PRELID2: variants seen among roughly 807,000 people sequenced by gnomAD.
PRELID2 encodes PRELI domain-containing protein 2.
Under a neutral mutation model 28.4 loss-of-function variants are expected in PRELID2, and 25 were observed. The ratio of observed to expected loss-of-function variants is 0.88; its 90% CI spans 0.64 to 1.23. PRELID2 has a LOEUF of 1.23. Among genes scored for constraint, PRELID2 ranks in the 50% most tolerant of loss-of-function variants. The pLI is 0.00. For synonymous variants in PRELID2, 76 were observed against 71.6 expected (o/e 1.06, Z -0.31); for missense variants, 201 against 214.4 (o/e 0.94, Z 0.39).
the PRELID2 span, among the ~76,000 whole-genome samples, chr5:145,365,326 G>T: frequency 6.6e-6 from 1 of 151,936 alleles, no homozygotes; most frequent in Non-Finnish European, 1.5e-5. Context: ...TATTTAGCTT[G>T]ATTTCATCAT....
chr5:145,320,625 T>C, the PRELID2 span, among the ~76,000 whole-genome samples: 1 of 152,154 alleles, frequency 6.6e-6, no homozygotes, highest in Non-Finnish European at 1.5e-5. Context: ...CTCCACTTGA[T>C]TTTGTCTGTA....
At chr5:145,589,151 A>C (rs1580987122) in intron 1 of PRELID2, among the ~76,000 whole-genome samples, 1 of 152,168 alleles carries the variant, frequency 6.6e-6, no homozygotes, top group East Asian at 1.9e-4. Context: ...CCTAACCTTA[A>C]TTTTCAATGG....
chr5:145,273,023 T>G, the PRELID2 span, among the ~76,000 whole-genome samples: 1 of 152,022 alleles, frequency 6.6e-6, no homozygotes, highest in African/African-American at 2.4e-5. Context: ...AAACCAAAAT[T>G]AGCTCATCGG....
chr5:145,752,028 C>T (rs562712082), downstream of PRELID2, among the ~76,000 whole-genome samples: 40 of 152,106 alleles, frequency 2.6e-4, no homozygotes, highest in African/African-American at 9.2e-4. Flanking sequence ...CTTAACACAC[C>T]CCTCACAGAG....
chr5:145,572,336 G>C (rs1463623340), intron 1 of PRELID2, among the ~76,000 whole-genome samples: 12 of 152,280 alleles, frequency 7.9e-5, no homozygotes, highest in Admixed American at 5.9e-4. Flanking sequence ...AGGATCTCCT[G>C]GGGCTGTGTC....
intron 1 of PRELID2, among the ~76,000 whole-genome samples, chr5:145,611,216 T>A (rs1438837652): frequency 1.3e-5 from 2 of 151,874 alleles, no homozygotes; most frequent in East Asian, 3.9e-4. Context: ...CAGGCTGGAG[T>A]GCAGTGGCAC....
At chr5:145,503,759 T>C (rs1752380735) in intron 1 of PRELID2, among the ~76,000 whole-genome samples, 1 of 152,222 alleles carries the variant, frequency 6.6e-6, no homozygotes, top group South Asian at 2.1e-4. Context: ...GCTTTTAATA[T>C]GCTGGTTTGC....
chr5:145,833,097 T>C (rs1755711992), intron 1 of PRELID2, among the ~76,000 whole-genome samples: 1 of 152,206 alleles, frequency 6.6e-6, no homozygotes, highest in Non-Finnish European at 1.5e-5. Flanking sequence ...ACACAAAGCT[T>C]GGCACACAGA....
chr5:145,471,241 G>A (rs942535135), downstream of PRELID2, among the ~76,000 whole-genome samples: 2 of 152,026 alleles, frequency 1.3e-5, no homozygotes, highest in Non-Finnish European at 2.9e-5. Flanking sequence ...ATAGATAACT[G>A]CCCATTAGCT....
chr5:145,299,702 TC>T, the PRELID2 span, among the ~76,000 whole-genome samples: 2 of 151,374 alleles, frequency 1.3e-5, no homozygotes, highest in Non-Finnish European at 2.9e-5. Flanking sequence ...TTTATGGGAC[TC>T]CAATTTTGTG....
At chr5:145,797,078 G>T (rs950480742) in intron 4 of PRELID2, among the ~76,000 whole-genome samples, 1 of 152,094 alleles carries the variant, frequency 6.6e-6, no homozygotes, top group Non-Finnish European at 1.5e-5. Flanking sequence ...TGAGACAGAA[G>T]AGATATGTCA....
intron 1 of PRELID2, among the ~76,000 whole-genome samples, chr5:145,547,747 C>A (rs1452796205): frequency 1.3e-5 from 2 of 152,140 alleles, no homozygotes; most frequent in Admixed American, 1.3e-4. Flanking sequence ...AGTCTTTTCC[C>A]TTTGGTGTCT....
the PRELID2 span, among the ~76,000 whole-genome samples, chr5:145,408,215 T>C: frequency 6.6e-6 from 1 of 151,934 alleles, no homozygotes; most frequent in African/African-American, 2.4e-5. Flanking sequence ...ACCAGGAAAG[T>C]ATTTCTGGTA....
chr5:145,545,348 T>G lies in PRELID2; in HGVS notation n.71-72033A>C, dbSNP rs148898404. Among the ~76,000 whole-genome samples the G allele has an allele frequency of 2.0e-3, 310 of 152,102 alleles. 5 individuals carry two copies. The East Asian group carries it at 0.031, about 15-fold the overall frequency. On this transcript the variant is annotated intron_variant and non_coding_transcript_variant, in intron 1 of 2. Transcript: ENST00000510259. The stretch of plus-strand genomic sequence containing the variant: ...TAGAGACTCCTGGGATGTGAGGCAG[T>G]GGGAGATGAAGCCATGGGAGTTTCA...
At chr5:145,730,296 A>C (rs1756301681) in intron 1 of PRELID2, among the ~76,000 whole-genome samples, 1 of 152,170 alleles carries the variant, frequency 6.6e-6, no homozygotes, top group Admixed American at 6.6e-5. Flanking sequence ...TGGCCAAAGT[A>C]ATTCTCATAG....
downstream of PRELID2, among the ~76,000 whole-genome samples, chr5:145,753,700 A>C (rs1170427147): frequency 6.6e-6 from 1 of 152,184 alleles, no homozygotes; most frequent in African/African-American, 2.4e-5. Context: ...GCATCAGGCC[A>C]GCAACACTGA....
intron 1 of PRELID2, among the ~76,000 whole-genome samples, chr5:145,654,860 G>C (rs561402620): frequency 6.6e-6 from 1 of 151,946 alleles, no homozygotes; most frequent in African/African-American, 2.4e-5. Context: ...GCCCTCTCTC[G>C]CCACTCCTAT....
At chr5:145,541,204 A>C (rs781729763) in intron 1 of PRELID2, among the ~76,000 whole-genome samples, 15 of 152,116 alleles carry the variant, frequency 9.9e-5, no homozygotes, top group Admixed American at 2.0e-4. Flanking sequence ...AACAGCAAAA[A>C]CAGGAATAGC....
the PRELID2 span, among the ~76,000 whole-genome samples, chr5:145,318,880 C>A: frequency 1.3e-5 from 2 of 152,100 alleles, no homozygotes; most frequent in Non-Finnish European, 2.9e-5. Flanking sequence ...ATGGTGAATG[C>A]AGGGGATTTT....
Sources: gnomAD v4.1 joint callset for allele counts (sites outside exome capture counted in the v4.1 genomes callset) on GRCh38, gnomAD v4.1.1 for gene constraint, MANE v1.5 for transcripts, NCBI Gene and HGNC (gene_info 2026-07-23, HGNC 2026-07-21) for gene names.